SCEL: variants seen among roughly 807,000 people sequenced by gnomAD.
SCEL encodes sciellin.
A neutral mutation model predicts 117.6 loss-of-function variants in SCEL; 113 were observed. The observed-to-expected ratio is 0.96, with a 90% CI of 0.83 to 1.12. The LOEUF is 1.12. SCEL is among the 50% of genes most tolerant of loss of function. The probability of loss-of-function intolerance (pLI) is 0.00; values close to 1 mark genes in which losing one functional copy is unlikely to be tolerated. For missense variants in SCEL, 785 were observed against 810.8 expected, an observed-to-expected ratio of 0.97 and a Z score of 0.39; for synonymous variants, 270 against 256.2, an observed-to-expected ratio of 1.05 and a Z score of -0.51.
intron 22 of SCEL, among the ~76,000 whole-genome samples, chr13:77,610,410 C>A (rs2088565147): frequency 6.8e-6 from 1 of 147,332 alleles, no homozygotes; most frequent in African/African-American, 2.5e-5. Flanking sequence ...CGAGATGGCA[C>A]CACTGCACTC....
chr13:77,553,652 A>G (rs1462648171), intron 1 of SCEL, among the ~76,000 whole-genome samples: 1 of 151,970 alleles, frequency 6.6e-6, no homozygotes, highest in Non-Finnish European at 1.5e-5. Context: ...TCAGCTGCCC[A>G]AGTTCAAGTC....
At chr13:77,543,810 A>C (rs2083852097) in intron 1 of SCEL, among the ~76,000 whole-genome samples, 1 of 152,050 alleles carries the variant, frequency 6.6e-6, no homozygotes, top group South Asian at 2.1e-4. Flanking sequence ...TAGTCGAGTA[A>C]ATTTCTTCCT....
At chr13:77,619,753 A>C (rs1467064693) in intron 27 of SCEL, among the ~76,000 whole-genome samples, 1 of 152,132 alleles carries the variant, frequency 6.6e-6, no homozygotes, top group African/African-American at 2.4e-5. Flanking sequence ...TCTTTTTATC[A>C]GTAACAGTTT....
intron 1 of SCEL, among the ~76,000 whole-genome samples, chr13:77,552,344 T>C (rs1405318845): frequency 2.0e-5 from 3 of 151,898 alleles, no homozygotes; most frequent in South Asian, 4.2e-4. Context: ...CTCCACATCC[T>C]CTCCAGGACC....
intron 1 of SCEL, among the ~76,000 whole-genome samples, chr13:77,554,780 A>G (rs2084554408): frequency 6.6e-6 from 1 of 152,120 alleles, no homozygotes; most frequent in Admixed American, 6.5e-5. Flanking sequence ...TGGACCTAAA[A>G]CTTGCTTCTG....
chr13:77,565,775 T>C (rs1273707454), intron 5 of SCEL, among the ~76,000 whole-genome samples: 3 of 151,752 alleles, frequency 2.0e-5, no homozygotes, highest in Non-Finnish European at 4.4e-5. Flanking sequence ...ATGTGAGGTG[T>C]GCAAAAGAGA....
chr13:77,633,392 C>A (rs991735031), intron 28 of SCEL, among the ~76,000 whole-genome samples: 14 of 131,924 alleles, frequency 1.1e-4, no homozygotes, highest in Non-Finnish European at 1.7e-4. Context: ...GCCGAGATTG[C>A]GCCACTGCAG....
intron 9 of SCEL, among the ~76,000 whole-genome samples, chr13:77,582,757 T>C (rs1302664235): frequency 6.6e-6 from 1 of 152,226 alleles, no homozygotes; most frequent in African/African-American, 2.4e-5. Flanking sequence ...CTTTGTTAAA[T>C]AAATTATGCT....
chr13:77,574,438 A>G (rs1422424804), intron 9 of SCEL, among the ~76,000 whole-genome samples: 1 of 152,250 alleles, frequency 6.6e-6, no homozygotes, highest in African/African-American at 2.4e-5. Context: ...CCATTTTTAG[A>G]GTCACAGATT....
At chr13:77,572,364 A>G (rs954914292) in intron 9 of SCEL, among the ~76,000 whole-genome samples, 175 bp downstream of exon 9, 2 of 152,224 alleles carry the variant, frequency 1.3e-5, no homozygotes, top group East Asian at 1.9e-4. Flanking sequence ...AAGTACCCTG[A>G]TAGGACATCT....
rs867514394 is a variant in SCEL, at chr13:77,591,399, A to G, written c.631A>G (p.Ile211Val). 11 of 1,572,734 alleles carry G rather than the reference A, an allele frequency of 7.0e-6. No homozygotes were observed. The highest frequency in any genetic ancestry group is 1.7e-4 in the Middle Eastern group (1 of 5,752). Residue 211 changes from isoleucine to valine, a missense_variant, in exon 11 of 33, where the codon ATA (isoleucine) becomes GTA (valine). Physicochemically the swap from Ile to Val is conservative, Grantham distance 29 (BLOSUM62 3). Coordinates refer to ENST00000349847, the MANE Select transcript of SCEL (RefSeq NM_144777.3). The stretch of plus-strand genomic sequence containing the variant: ...CTTCTAACTTTGAAAATATAGGCAG[A>G]TACATCCACCTAAACCAGGTGTATA... The part of the protein sequence containing the change: ...PNQLRQDNRQ[I>V]HPPKPGVYTE...
intron 31 of SCEL, among the ~76,000 whole-genome samples, chr13:77,641,731 G>A (rs983172090): frequency 1.1e-4 from 16 of 152,202 alleles, no homozygotes; most frequent in South Asian, 4.1e-4. Flanking sequence ...AACATTCTAC[G>A]GTTGATACAA....
intron 17 of SCEL, 78 bp downstream of exon 17, chr13:77,602,791 T>A: frequency 2.4e-6 from 3 of 1,245,750 alleles, no homozygotes; most frequent in Non-Finnish European, 3.5e-6. Flanking sequence ...GCACCACATC[T>A]TTGTTTGGCT....
chr13:77,560,488 C>T (rs1298545167), intron 4 of SCEL, among the ~76,000 whole-genome samples: 2 of 151,992 alleles, frequency 1.3e-5, no homozygotes, highest in Non-Finnish European at 2.9e-5. Flanking sequence ...ATCTCTGAAC[C>T]TTAGGGAAAG....
At chr13:77,537,076 A>G (rs1304308661) in intron 1 of SCEL, among the ~76,000 whole-genome samples, 4 of 152,214 alleles carry the variant, frequency 2.6e-5, no homozygotes, top group Admixed American at 2.6e-4. Context: ...GGAAACATCA[A>G]TTTGAGAAAA....
rs534734671 is a variant in SCEL, at chr13:77,598,544, G to A, written c.798-785G>A. Among the ~76,000 whole-genome samples the A allele has an allele frequency of 4.6e-5, 7 of 152,258 alleles. 1 individual carries two copies. Among genetic ancestry groups the A allele is most frequent in the South Asian group, 4.1e-4 (2 of 4,826 alleles). ...TGAGGAGACTGACTGTGATAACTGC[G>A]GCCAAAAGGAGAGCAAATGCCCTGT... On this transcript the variant is annotated intron_variant, in intron 13 of 32. Transcript: ENST00000349847.
At chr13:77,563,721 A>G (rs1219181994) in intron 4 of SCEL, 110 bp from the exon 5 acceptor site, 2 of 717,026 alleles carry the variant, frequency 2.8e-6, no homozygotes, top group African/African-American at 3.7e-5. Context: ...TAACATGTAT[A>G]TTTCCTACTG....
intron 2 of SCEL, 79 bp from the exon 3 acceptor site, chr13:77,556,517 C>T: frequency 1.7e-6 from 2 of 1,179,790 alleles, no homozygotes; most frequent in Non-Finnish European, 2.5e-6. Flanking sequence ...AGATGTGCCT[C>T]TCAGGATTTT....
At position 77,608,127 on chromosome 13, in the gene SCEL, G is replaced by T; in HGVS notation, c.1217+12G>T. 6.3e-7 allele frequency: 1 copy of T among 1,593,346 alleles called. No individual in the cohort carries two copies. Among genetic ancestry groups the T allele is most frequent in the South Asian group, 1.1e-5 (1 of 89,300 alleles). On this transcript the variant is annotated intron_variant, in intron 20 of 32. Coordinates refer to ENST00000349847, the MANE Select transcript of SCEL (RefSeq NM_144777.3). ...AGAAGTAACCAAGGGTGAGGACTAT[G>T]TCTTACCTCTCTTCCTTCCCCTTCC...
Sources: allele counts gnomAD v4.1 joint callset (sites outside exome capture counted in the v4.1 genomes callset), GRCh38; gene constraint gnomAD v4.1.1; transcripts MANE v1.5; gene names NCBI Gene and HGNC (gene_info 2026-07-23, HGNC 2026-07-21).